CACNB4: variants seen among roughly 807,000 people sequenced by gnomAD.
The protein encoded by CACNB4 is calcium voltage-gated channel auxiliary subunit beta 4.
A neutral mutation model predicts 71.2 loss-of-function variants in CACNB4; 32 were observed. That is an observed-to-expected ratio of 0.45 (90% CI 0.34 to 0.60). The LOEUF (loss-of-function observed/expected upper bound fraction) is 0.60. Among genes scored for constraint, CACNB4 ranks in the 20% least tolerant of loss-of-function variants. The pLI is 0.01. For synonymous variants in CACNB4, 231 were observed against 236.9 expected (o/e 0.97, Z 0.23); for missense variants, 464 against 647.9 (o/e 0.72, Z 3.08).
At chr2:151,977,311 A>G (rs4664513) in intron 2 of CACNB4, among the ~76,000 whole-genome samples, 26,409 of 152,220 alleles carry the variant, frequency 0.17, 3,754 homozygotes, top group East Asian at 0.74. Context: ...CTGTTTATAA[A>G]TGCCACGTGA....
At chr2:152,004,291 G>C (rs554048762) in intron 2 of CACNB4, among the ~76,000 whole-genome samples, 19 of 152,196 alleles carry the variant, frequency 1.2e-4, no homozygotes, top group African/African-American at 4.6e-4. Flanking sequence ...ACTGCCCTGA[G>C]AGGTTCAGGC....
intron 9 of CACNB4, among the ~76,000 whole-genome samples, chr2:151,864,197 T>C (rs1440060365): frequency 2.0e-5 from 3 of 152,188 alleles, no homozygotes; most frequent in East Asian, 3.8e-4. Context: ...CTTGGAAAAC[T>C]TTCTGTGACT....
At chr2:151,998,009 C>T (rs1682161775) in intron 2 of CACNB4, among the ~76,000 whole-genome samples, 1 of 152,080 alleles carries the variant, frequency 6.6e-6, no homozygotes, top group African/African-American at 2.4e-5. Flanking sequence ...CTCTACCTTC[C>T]AGAAATGAAT....
intron 2 of CACNB4, among the ~76,000 whole-genome samples, chr2:151,962,637 G>A (rs913868071): frequency 6.6e-6 from 1 of 152,210 alleles, no homozygotes; most frequent in Non-Finnish European, 1.5e-5. Context: ...TACAAATCAT[G>A]AGAACACTAA....
Position 151,842,166 on chromosome 2 carries a change from A to G in CACNB4, c.1117-78T>C. ...AAACCTAAAATTCCACTTAACACAGATAATAGCATTTTTAATAGCTATTAG... is the reference window on the plus strand; with the variant it reads ...AAACCTAAAATTCCACTTAACACAGGTAATAGCATTTTTAATAGCTATTAG... On this transcript the variant is annotated intron_variant, in intron 12 of 13. Coordinates refer to ENST00000539935, the MANE Select transcript of CACNB4 (RefSeq NM_000726.5). 1.6e-5 allele frequency: 19 copies of G among 1,209,254 alleles called. No homozygotes were observed. In the South Asian group the frequency reaches 2.2e-4, roughly 14 times the overall value. The allele number at this position is 1,209,254 out of a possible 1,614,324, so 74.9% of individuals were successfully genotyped here. A position where few individuals can be genotyped will look rare whatever the true frequency, so the allele number is the denominator to read the frequency against.
At chr2:151,955,386 A>AGTT (rs2099867991) in intron 2 of CACNB4, among the ~76,000 whole-genome samples, 1 of 152,166 alleles carries the variant, frequency 6.6e-6, no homozygotes. Flanking sequence ...GCATAGTTGG[A>AGTT]GTTGAGGGAA....
chr2:151,933,438 A>C (rs2099862108), intron 2 of CACNB4, among the ~76,000 whole-genome samples: 1 of 152,038 alleles, frequency 6.6e-6, no homozygotes, highest in Non-Finnish European at 1.5e-5. Context: ...CTGTACATGC[A>C]TTATTTTATA....
intron 2 of CACNB4, among the ~76,000 whole-genome samples, chr2:152,019,640 A>C (rs1413097356): frequency 6.6e-6 from 1 of 152,208 alleles, no homozygotes; most frequent in African/African-American, 2.4e-5. Context: ...GATAACAAGA[A>C]AGATGATATC....
chr2:152,081,603 A>C (rs1185969776), intron 2 of CACNB4, among the ~76,000 whole-genome samples: 1 of 152,106 alleles, frequency 6.6e-6, no homozygotes, highest in Non-Finnish European at 1.5e-5. Flanking sequence ...AGACAGAGAG[A>C]GCTCTGGTCC....
At chr2:151,936,767 T>G (rs1171622931) in intron 2 of CACNB4, among the ~76,000 whole-genome samples, 1 of 152,174 alleles carries the variant, frequency 6.6e-6, no homozygotes, top group Admixed American at 6.5e-5. Context: ...CACCTCTCAT[T>G]AGGAAAACAA....
In CACNB4 at chr2:151,953,855, T is replaced by A. The variant is rs531368334; in HGVS notation, c.148-70485A>T. 2.0e-4 allele frequency among the ~76,000 whole-genome samples: 31 copies of A among 152,356 alleles called. 1 individual carries two copies. The East Asian group carries it at 5.8e-3, about 28-fold the overall frequency. ...AGATGCTCAGAAAAGAATGCATCTGTAAACAGTCCTTTGGTAACACTCTGA... is the reference window on the plus strand; with the variant it reads ...AGATGCTCAGAAAAGAATGCATCTGAAAACAGTCCTTTGGTAACACTCTGA... On this transcript the variant is annotated intron_variant, in intron 2 of 13. Coordinates refer to ENST00000539935, the MANE Select transcript of CACNB4 (RefSeq NM_000726.5).
chr2:152,082,505 C>A (rs1005680008), intron 2 of CACNB4, among the ~76,000 whole-genome samples: 9 of 152,194 alleles, frequency 5.9e-5, no homozygotes, highest in African/African-American at 2.2e-4. Context: ...AACCCTCAGA[C>A]CTGAGAGCTA....
intron 2 of CACNB4, among the ~76,000 whole-genome samples, chr2:152,018,978 G>T (rs1319776854): frequency 6.6e-6 from 1 of 152,112 alleles, no homozygotes; most frequent in Non-Finnish European, 1.5e-5. Context: ...GGGGGTGGGT[G>T]AAGTCAAGGG....
intron 8 of CACNB4, chr2:151,870,205 TA>T: frequency 1.4e-6 from 1 of 693,912 alleles, no homozygotes; most frequent in Non-Finnish European, 2.6e-6. Context: ...CTATTACTTC[TA>T]ATAATAATGA....
chr2:151,896,144 C>A (rs1336926817), intron 2 of CACNB4, among the ~76,000 whole-genome samples: 1 of 152,200 alleles, frequency 6.6e-6, no homozygotes, highest in Non-Finnish European at 1.5e-5. Context: ...CCACGCCCAG[C>A]CAACTGTGTT....
intron 8 of CACNB4, chr2:151,869,869 G>T (rs2099844159): frequency 1.0e-5 from 3 of 294,888 alleles, no homozygotes; most frequent in African/African-American, 4.4e-5. Context: ...TAGCTCGATG[G>T]GAATGGTGCC....
intron 2 of CACNB4, among the ~76,000 whole-genome samples, chr2:152,047,379 C>A (rs1022666309): frequency 2.6e-5 from 4 of 152,182 alleles, no homozygotes; most frequent in Non-Finnish European, 5.9e-5. Flanking sequence ...AGGCCAAACC[C>A]TGACATTCCT....
chr2:152,063,248 A>G (rs1216745707), intron 2 of CACNB4, among the ~76,000 whole-genome samples: 2 of 152,240 alleles, frequency 1.3e-5, no homozygotes, highest in Non-Finnish European at 2.9e-5. Context: ...TCTGTTCAAA[A>G]TCATTACAAA....
At chr2:151,895,611 C>T (rs1019270834) in intron 2 of CACNB4, among the ~76,000 whole-genome samples, 54 of 151,724 alleles carry the variant, frequency 3.6e-4, no homozygotes, top group Non-Finnish European at 3.8e-4. Flanking sequence ...TTTTTAAAAA[C>T]AAAAACATTA....
Sources: allele counts gnomAD v4.1 joint callset (sites outside exome capture counted in the v4.1 genomes callset), GRCh38; gene constraint gnomAD v4.1.1; transcripts MANE v1.5; gene names NCBI Gene and HGNC (gene_info 2026-07-23, HGNC 2026-07-21).